GRHL2: variants seen among roughly 807,000 people sequenced by gnomAD.
GRHL2 encodes the protein grainyhead-like protein 2 homolog.
A neutral mutation model predicts 83.8 loss-of-function variants in GRHL2; 21 were observed. That is an observed-to-expected ratio of 0.25 (90% CI 0.18 to 0.36). The LOEUF is 0.36. Ranked by LOEUF, GRHL2 falls within the 10% of genes least tolerant of loss-of-function variation. The probability of loss-of-function intolerance (pLI) is 1.00; values close to 1 mark genes in which losing one functional copy is unlikely to be tolerated. For synonymous variants in GRHL2, 280 were observed against 278.9 expected (o/e 1.00, Z -0.04); for missense variants, 623 against 781.8 (o/e 0.80, Z 2.42).
chr8:101,591,572 G>A (rs887931339), intron 7 of GRHL2, among the ~76,000 whole-genome samples: 2 of 152,200 alleles, frequency 1.3e-5, no homozygotes, highest in African/African-American at 4.8e-5. Flanking sequence ...CTGACAATGT[G>A]TTGTTGAATT....
intron 6 of GRHL2, among the ~76,000 whole-genome samples, chr8:101,576,048 G>A (rs1257090856): frequency 6.6e-6 from 1 of 152,236 alleles, no homozygotes; most frequent in East Asian, 1.9e-4. Context: ...CCACCGGCAT[G>A]TATTTGCTGT....
At chr8:101,608,283 T>C (rs1394185427) in intron 8 of GRHL2, among the ~76,000 whole-genome samples, 1 of 152,250 alleles carries the variant, frequency 6.6e-6, no homozygotes, top group Non-Finnish European at 1.5e-5. Context: ...GCTGTCTGGT[T>C]CTGAAGCATG....
intron 9 of GRHL2, among the ~76,000 whole-genome samples, chr8:101,621,607 G>A (rs1812966800): frequency 1.3e-5 from 2 of 152,086 alleles, no homozygotes; most frequent in South Asian, 2.1e-4. Flanking sequence ...AGATAAAGAT[G>A]TAATATAGGC....
rs190749943 is a variant in GRHL2, at chr8:101,608,111, A to C, written c.1098+8960A>C. ...ATTTGTTCAGTGATTACCATATACCAGGCACTCTGCCAGGCAATCTATATG... is the reference window on the plus strand; with the variant it reads ...ATTTGTTCAGTGATTACCATATACCCGGCACTCTGCCAGGCAATCTATATG... On this transcript the variant is annotated intron_variant, in intron 8 of 15. Coordinates refer to ENST00000646743, the MANE Select transcript of GRHL2 (RefSeq NM_024915.4). Among the ~76,000 whole-genome samples, 6 of 152,352 alleles carry C rather than the reference A, an allele frequency of 3.9e-5. No homozygotes were observed. In the East Asian group the frequency reaches 5.8e-4, roughly 15 times the overall value.
At chr8:101,618,990 A>G (rs1409606654) in intron 8 of GRHL2, among the ~76,000 whole-genome samples, 1 of 152,198 alleles carries the variant, frequency 6.6e-6, no homozygotes, top group Non-Finnish European at 1.5e-5. Flanking sequence ...ACGGTGGCTC[A>G]CGCCTGTCAT....
chr8:101,522,969 G>C (rs1267015951), intron 1 of GRHL2, among the ~76,000 whole-genome samples: 6 of 151,532 alleles, frequency 4.0e-5, no homozygotes. Context: ...GAGTGCAGTG[G>C]TGCGATTTCT....
At chr8:101,501,628 T>C (rs1325276171) in intron 1 of GRHL2, among the ~76,000 whole-genome samples, 1 of 152,122 alleles carries the variant, frequency 6.6e-6, no homozygotes, top group Non-Finnish European at 1.5e-5. Flanking sequence ...TGCGACAGCA[T>C]GTGGCTGTTT....
chr8:101,500,314 T>C (rs376728469), intron 1 of GRHL2, among the ~76,000 whole-genome samples: 7 of 152,228 alleles, frequency 4.6e-5, no homozygotes, highest in African/African-American at 1.7e-4. Context: ...GCTTCACTGG[T>C]CTTCAAATTT....
At chr8:101,633,214 A>G (rs1423781063) in intron 11 of GRHL2, among the ~76,000 whole-genome samples, 1 of 152,242 alleles carries the variant, frequency 6.6e-6, no homozygotes, top group Non-Finnish European at 1.5e-5. Context: ...TGATAAACAA[A>G]AAATTGTGTG....
intron 8 of GRHL2, among the ~76,000 whole-genome samples, chr8:101,600,597 G>C (rs551644479): frequency 2.0e-5 from 3 of 152,190 alleles, no homozygotes; most frequent in African/African-American, 7.2e-5. Context: ...TCTGTGTGAC[G>C]GCACAGGACT....
At chr8:101,619,488 G>T (rs1812919863) in intron 8 of GRHL2, 51 bp from the exon 9 acceptor site, 8 of 1,559,958 alleles carry the variant, frequency 5.1e-6, no homozygotes, top group South Asian at 1.1e-5. Flanking sequence ...TGCGTTTATT[G>T]TACATTCTTT....
At chr8:101,655,951 C>G (rs553240299) in intron 14 of GRHL2, among the ~76,000 whole-genome samples, 1 of 152,308 alleles carries the variant, frequency 6.6e-6, no homozygotes, top group Non-Finnish European at 1.5e-5. Context: ...ACTCATACCT[C>G]AGGGCCTTTG....
rs148927185 is a variant in GRHL2, at chr8:101,623,558, G to A, written c.1257+3861G>A. Among the ~76,000 whole-genome samples the A allele has an allele frequency of 4.4e-3, 643 of 147,352 alleles. 4 individuals are homozygous for A. Among genetic ancestry groups the A allele is most frequent in the African/African-American group, 0.016 (594 of 37,062 alleles). The stretch of plus-strand genomic sequence containing the variant: ...ACAGTAAGACAGTTCACGGTACCCA[G>A]TAGGACAGTACACAGTAGAACAGTT... On this transcript the variant is annotated intron_variant, in intron 9 of 15. Coordinates refer to ENST00000646743, the MANE Select transcript of GRHL2 (RefSeq NM_024915.4).
At chr8:101,521,141 G>C (rs1461406876) in intron 1 of GRHL2, among the ~76,000 whole-genome samples, 1 of 152,192 alleles carries the variant, frequency 6.6e-6, no homozygotes, top group Non-Finnish European at 1.5e-5. Flanking sequence ...AGTCTGACTT[G>C]GAGTGAAGAA....
In GRHL2 at chr8:101,621,796, G is replaced by C. The variant is rs567543098; in HGVS notation, c.1257+2099G>C. 2.6e-4 allele frequency among the ~76,000 whole-genome samples: 40 copies of C among 152,188 alleles called. No individual in the cohort carries two copies. In the East Asian group the frequency reaches 7.2e-3, roughly 27 times the overall value. On this transcript the variant is annotated intron_variant, in intron 9 of 15. Coordinates refer to ENST00000646743, the MANE Select transcript of GRHL2 (RefSeq NM_024915.4). The stretch of plus-strand genomic sequence containing the variant: ...GTCTGTAGTTCTAGGTACTCAGGAG[G>C]CTGAAGCAGGAGGATTTCTTGAGTC...
In GRHL2 at chr8:101,647,486, C is replaced by T. The variant is rs564935889; in HGVS notation, c.1613-1928C>T. Among the ~76,000 whole-genome samples, 88 of 152,156 alleles carry T rather than the reference C, an allele frequency of 5.8e-4. 1 individual carries two copies. The highest frequency in any genetic ancestry group is 2.0e-3 in the Admixed American group (30 of 15,290). On this transcript the variant is annotated intron_variant, in intron 13 of 15. Transcript: ENST00000646743. ...AGCAATCAATGGCTTTTTTCCTTGA[C>T]TTTAATTTTCCTTATCTGGATGTAA...
At position 101,570,647 on chromosome 8, in the gene GRHL2, A is replaced by C. The variant is rs62519117; in HGVS notation, c.734+253A>C. Among the ~76,000 whole-genome samples, 20,237 of 151,954 alleles carry C rather than the reference A, an allele frequency of 0.13. 1,721 individuals carry two copies. The highest frequency in any genetic ancestry group is 0.27 in the South Asian group (1,296 of 4,802). On this transcript the variant is annotated intron_variant, in intron 5 of 15. Transcript: ENST00000646743. ...CATTCTTTTGTAGGTGTTCCTCTGA[A>C]CCTCATACTCATGTGCTTCCAGCCC...
chr8:101,546,738 A>G (rs1371166950), intron 2 of GRHL2, among the ~76,000 whole-genome samples: 1 of 152,184 alleles, frequency 6.6e-6, no homozygotes, highest in Non-Finnish European at 1.5e-5. Context: ...TATGAAGGCA[A>G]TATATTTTAT....
At chr8:101,494,366 C>T (rs1586389055) in intron 1 of GRHL2, among the ~76,000 whole-genome samples, 1 of 152,240 alleles carries the variant, frequency 6.6e-6, no homozygotes, top group East Asian at 1.9e-4. Flanking sequence ...ATAGTTGTAC[C>T]CCGTTAGCCA....
Sources: allele counts gnomAD v4.1 joint callset (sites outside exome capture counted in the v4.1 genomes callset), GRCh38; gene constraint gnomAD v4.1.1; transcripts MANE v1.5; gene names NCBI Gene and HGNC (gene_info 2026-07-23, HGNC 2026-07-21).